Variants in CNKSR2 observed in about 807,000 individuals in gnomAD.
CNKSR2 encodes CNK homolog protein 2.
CNKSR2 carries 14 observed loss-of-function variants against 84.4 expected under a neutral mutation model. The observed-to-expected ratio is 0.17, with a 90% confidence interval of 0.11 to 0.26. The LOEUF (loss-of-function observed/expected upper bound fraction) is 0.26. Ranked by LOEUF, CNKSR2 falls within the 10% of genes least tolerant of loss-of-function variation. CNKSR2 has a pLI of 1.00. For synonymous variants in CNKSR2, 275 were observed against 277.9 expected, an observed-to-expected ratio of 0.99 and a Z score of 0.10; for missense variants, 485 against 771.2, an observed-to-expected ratio of 0.63 and a Z score of 4.40.
intron 18 of CNKSR2, chrX:21,606,493 A>G (rs1257514082): frequency 4.5e-6 from 1 of 221,351 alleles, no homozygotes; most frequent in African/African-American, 2.9e-5. Flanking sequence ...GGTACCCTAA[A>G]CCTGACTGAG....
intron 13 of CNKSR2, among the ~76,000 whole-genome samples, chrX:21,581,843 C>T (rs1451001349): frequency 1.8e-5 from 2 of 111,977 alleles, no homozygotes; most frequent in Admixed American, 1.9e-4. Context: ...TAGGTAAAAA[C>T]CATTCCTTCA....
intron 1 of CNKSR2, among the ~76,000 whole-genome samples, chrX:21,406,867 T>A (rs2146999895): frequency 8.9e-6 from 1 of 112,335 alleles, no homozygotes; most frequent in East Asian, 2.8e-4. Context: ...TCCCTGTACA[T>A]ATTTAAAGGA....
At chrX:21,492,504 C>T (rs2091452417) in intron 6 of CNKSR2, 1 of 111,434 alleles carries the variant, frequency 9.0e-6, no homozygotes. Flanking sequence ...ATAACAGAGG[C>T]AGGGTTTAAG....
chrX:21,455,643 T>C (rs941759905), intron 4 of CNKSR2, among the ~76,000 whole-genome samples: 3 of 112,251 alleles, frequency 2.7e-5, no homozygotes, highest in African/African-American at 9.7e-5. Flanking sequence ...ACCAGAGAGA[T>C]TGATGTCAGT....
intron 13 of CNKSR2, among the ~76,000 whole-genome samples, chrX:21,590,277 A>T (rs1251929262): frequency 8.9e-6 from 1 of 111,983 alleles, no homozygotes; most frequent in Non-Finnish European, 1.9e-5. Flanking sequence ...TACCCGTGAA[A>T]AGGTACAAAG....
intron 1 of CNKSR2, among the ~76,000 whole-genome samples, chrX:21,397,129 T>A (rs1355226947): frequency 9.0e-6 from 1 of 111,553 alleles, no homozygotes; most frequent in Non-Finnish European, 1.9e-5. Flanking sequence ...CTGTGGGCTA[T>A]GACTCAATGA....
chrX:21,503,306 T>G (rs911945174), intron 8 of CNKSR2: 2 of 293,578 alleles, frequency 6.8e-6, no homozygotes, highest in Non-Finnish European at 1.2e-5. Context: ...TTCCAGCTCT[T>G]GCTCTGAAAT....
chrX:21,432,665 A>G lies in CNKSR2; in HGVS notation c.282A>G (p.Ala94=), dbSNP rs768364875. The G allele has an allele frequency of 2.7e-5, 32 of 1,197,098 alleles. No homozygotes were observed. Among genetic ancestry groups the G allele is most frequent in the South Asian group, 2.5e-4 (14 of 55,142 alleles). Residue 94 remains alanine (A), a synonymous_variant, in exon 3 of 22, where the codon GCA becomes GCG. Coordinates refer to ENST00000379510, the MANE Select transcript of CNKSR2 (RefSeq NM_014927.5). ...NLKTLSHKLN[A]SAKNLQNFIT... Reference sequence around the variant, plus strand: ...AAACCCTTTCTCACAAGTTGAATGCATCTGCCAAAAATCTGCAGAATTTTA... The same window carrying G: ...AAACCCTTTCTCACAAGTTGAATGCGTCTGCCAAAAATCTGCAGAATTTTA...
chrX:21,501,600 T>G lies in CNKSR2; in HGVS notation c.810+12T>G. On this transcript the variant is annotated intron_variant, in intron 8 of 21. Transcript: ENST00000379510. The stretch of plus-strand genomic sequence containing the variant: ...ATCATCAGACTGTGGTATGTATAAT[T>G]AACTTAAGAGTCAGTGGGAGGAACT... 9.6e-7 allele frequency: 1 copy of G among 1,045,699 alleles called. No individual in the cohort carries two copies. Among genetic ancestry groups the G allele is most frequent in the Non-Finnish European group, 1.3e-6 (1 of 766,060 alleles). The allele number at this position is 1,045,699 out of a possible 1,213,427, so 86.2% of individuals were successfully genotyped here.
intron 11 of CNKSR2, among the ~76,000 whole-genome samples, chrX:21,536,664 G>A (rs1220057544): frequency 9.0e-6 from 1 of 110,594 alleles, no homozygotes; most frequent in Non-Finnish European, 1.9e-5. Flanking sequence ...GCTTGTAGTT[G>A]TTCAGAATAG....
In CNKSR2 at chrX:21,654,561, G is replaced by T. The variant is rs936320926; in HGVS notation, c.*2040G>T. On this transcript the variant is annotated 3_prime_UTR_variant, in exon 22 of 22. Coordinates refer to ENST00000379510, the MANE Select transcript of CNKSR2 (RefSeq NM_014927.5). ...TAAACTAATGAATTTGACAAGACTCGTGGCTAGCCTAGCATGAAAGAGACC... is the reference window on the plus strand; with the variant it reads ...TAAACTAATGAATTTGACAAGACTCTTGGCTAGCCTAGCATGAAAGAGACC... 2 of 111,111 alleles carry T rather than the reference G, an allele frequency of 1.8e-5. No homozygotes were observed. Among genetic ancestry groups the T allele is most frequent in the Non-Finnish European group, 3.8e-5 (2 of 53,072 alleles). 9.2% of individuals were successfully genotyped at this position (111,111 alleles called of 1,213,427 possible).
intron 20 of CNKSR2, among the ~76,000 whole-genome samples, chrX:21,613,811 A>T (rs182304734): frequency 1.8e-5 from 2 of 110,012 alleles, no homozygotes; most frequent in African/African-American, 3.3e-5. Flanking sequence ...GTGGTGGCAC[A>T]TACCTGTAAT....
At chrX:21,631,586 A>C (rs1239542568) in intron 20 of CNKSR2, among the ~76,000 whole-genome samples, 1 of 111,933 alleles carries the variant, frequency 8.9e-6, no homozygotes, top group African/African-American at 3.2e-5. Flanking sequence ...AGTCTGATAT[A>C]TTGTGTGTTT....
intron 20 of CNKSR2, among the ~76,000 whole-genome samples, chrX:21,622,951 GACAATTT>G (rs906750752): frequency 1.6e-4 from 18 of 111,095 alleles, no homozygotes; most frequent in African/African-American, 5.6e-4. Flanking sequence ...ACTTCATTAG[GACAATTT>G]ACAATATTTT....
In CNKSR2 at chrX:21,470,765, G is replaced by A; in HGVS notation, c.520-1G>A. Reference sequence around the variant, plus strand: ...TAATGTATATGGTTCTTTTTTTTCAGGATTGTACTGTATATGAAACAGAGA... The same window carrying A: ...TAATGTATATGGTTCTTTTTTTTCAAGATTGTACTGTATATGAAACAGAGA... On this transcript the variant is annotated splice_acceptor_variant, in intron 4 of 21. Transcript: ENST00000379510. LOFTEE classifies it high-confidence loss of function. 1.0e-6 allele frequency: 1 copy of A among 984,417 alleles called. No individual in the cohort carries two copies. The highest frequency in any genetic ancestry group is 1.4e-6 in the Non-Finnish European group (1 of 723,004). The allele number at this position is 984,417 out of a possible 1,213,427, so 81.1% of individuals were successfully genotyped here.
At chrX:21,495,626 T>A (rs1187100231) in intron 6 of CNKSR2, 2 of 104,054 alleles carry the variant, frequency 1.9e-5, no homozygotes, top group Non-Finnish European at 3.9e-5. Flanking sequence ...TTACTAAAAA[T>A]ACAAAAATTA....
At chrX:21,472,922 A>G (rs1239637099) in intron 5 of CNKSR2, among the ~76,000 whole-genome samples, 1 of 111,313 alleles carries the variant, frequency 9.0e-6, no homozygotes, top group African/African-American at 3.2e-5. Context: ...TTAAATAAAA[A>G]CCATAATAAG....
intron 4 of CNKSR2, among the ~76,000 whole-genome samples, chrX:21,459,523 G>T (rs138425943): frequency 2.3e-3 from 254 of 109,666 alleles, no homozygotes; most frequent in African/African-American, 7.6e-3. Flanking sequence ...CGTTCTGCTT[G>T]GTGTGTATAT....
intron 11 of CNKSR2, among the ~76,000 whole-genome samples, chrX:21,532,482 A>G (rs1485776286): frequency 9.1e-6 from 1 of 110,375 alleles, no homozygotes; most frequent in African/African-American, 3.3e-5. Context: ...AAGAAATATA[A>G]TTTTCTCGAG....
Sources: gnomAD v4.1 joint callset for allele counts (sites outside exome capture counted in the v4.1 genomes callset) on GRCh38, gnomAD v4.1.1 for gene constraint, MANE v1.5 for transcripts, NCBI Gene and HGNC (gene_info 2026-07-23, HGNC 2026-07-21) for gene names.